Variants in FGF12 observed in about 807,000 individuals in gnomAD.
FGF12 encodes fibroblast growth factor 12, also known as fibroblast growth factor 12B.
FGF12 carries 14 observed loss-of-function variants against 23.6 expected under a neutral mutation model. The ratio of observed to expected loss-of-function variants is 0.59; its 90% CI spans 0.39 to 0.93. FGF12 has a LOEUF of 0.93. Among genes scored for constraint, FGF12 ranks in the 40% least tolerant of loss-of-function variants. The pLI is 0.00. For missense variants in FGF12, 175 were observed against 217.8 expected, an observed-to-expected ratio of 0.80 and a Z score of 1.24; for synonymous variants, 62 against 77.3, an observed-to-expected ratio of 0.80 and a Z score of 1.04.
intron 2 of FGF12, among the ~76,000 whole-genome samples, chr3:192,502,168 C>T (rs1468889560): frequency 1.3e-5 from 2 of 152,194 alleles, no homozygotes; most frequent in African/African-American, 4.8e-5. Flanking sequence ...TCATACAAAT[C>T]TAAGTCCATT....
intron 2 of FGF12, among the ~76,000 whole-genome samples, chr3:192,649,752 G>A (rs1716146987): frequency 1.3e-5 from 2 of 151,436 alleles, no homozygotes; most frequent in Admixed American, 1.3e-4. Context: ...GTGGAGATGG[G>A]GTTTTGCCAT....
At chr3:192,720,836 C>A (rs772214456) in intron 2 of FGF12, among the ~76,000 whole-genome samples, 1 of 152,152 alleles carries the variant, frequency 6.6e-6, no homozygotes, top group Admixed American at 6.5e-5. Flanking sequence ...TACATCATCA[C>A]CTGAGTGTTT....
chr3:192,530,098 A>C (rs1364752867), intron 2 of FGF12, among the ~76,000 whole-genome samples: 2 of 151,122 alleles, frequency 1.3e-5, no homozygotes, highest in South Asian at 4.2e-4. Context: ...CCCTTAACCC[A>C]CTTCTGTTCA....
At chr3:192,646,539 A>C (rs940114589) in intron 2 of FGF12, among the ~76,000 whole-genome samples, 1 of 152,170 alleles carries the variant, frequency 6.6e-6, no homozygotes, top group Non-Finnish European at 1.5e-5. Context: ...AGGTATGCAA[A>C]AGAATGAAAT....
At chr3:192,229,851 C>A (rs1718931202) in intron 4 of FGF12, among the ~76,000 whole-genome samples, 2 of 152,092 alleles carry the variant, frequency 1.3e-5, no homozygotes, top group Non-Finnish European at 2.9e-5. Context: ...GAGGTTCATA[C>A]ACCTGAAAAG....
intron 2 of FGF12, among the ~76,000 whole-genome samples, chr3:192,482,896 G>T (rs1051911625): frequency 2.0e-5 from 3 of 152,158 alleles, no homozygotes; most frequent in Non-Finnish European, 2.9e-5. Flanking sequence ...TAGTTGGAAA[G>T]ATAAAATGTG....
chr3:192,458,595 A>G (rs1392632966), intron 2 of FGF12, among the ~76,000 whole-genome samples: 1 of 152,124 alleles, frequency 6.6e-6, no homozygotes, highest in African/African-American at 2.4e-5. Flanking sequence ...TTTACCCAAT[A>G]ACTGTACCCC....
At chr3:192,329,112 G>C (rs1203353508) in intron 4 of FGF12, among the ~76,000 whole-genome samples, 1 of 152,128 alleles carries the variant, frequency 6.6e-6, no homozygotes, top group Non-Finnish European at 1.5e-5. Flanking sequence ...TAATGCTGTG[G>C]TTGGGCCAAA....
intron 2 of FGF12, among the ~76,000 whole-genome samples, chr3:192,474,890 A>G (rs1381121470): frequency 2.0e-5 from 3 of 150,066 alleles, no homozygotes; most frequent in Non-Finnish European, 4.4e-5. Flanking sequence ...CATCTCAAAA[A>G]AAAAAAAAAA....
intron 4 of FGF12, among the ~76,000 whole-genome samples, chr3:192,254,379 T>G (rs549636641): frequency 6.6e-6 from 1 of 152,042 alleles, no homozygotes; most frequent in East Asian, 1.9e-4. Flanking sequence ...GAAGTGTATT[T>G]CATTGTGCAT....
At position 192,409,037 on chromosome 3, in the gene FGF12, G is replaced by C. The variant is rs1021535808; in HGVS notation, c.14-48499C>G. ...TCCAGCTGCGGTGAGAGCAACTCCCGGCCAGCAGCACTGCAAAGAGAGCGG... is the reference window on the plus strand; with the variant it reads ...TCCAGCTGCGGTGAGAGCAACTCCCCGCCAGCAGCACTGCAAAGAGAGCGG... On this transcript the variant is annotated intron_variant, in intron 2 of 5. Transcript: ENST00000445105. This position sits in a 1 kb window ranked among gnomAD's most constrained non-coding sequence, Gnocchi z 4.8. 4.1e-6 allele frequency: 4 copies of C among 983,324 alleles called. No homozygotes were observed. Among genetic ancestry groups the C allele is most frequent in the South Asian group, 4.7e-5 (1 of 21,154 alleles). 60.9% of individuals were successfully genotyped at this position (983,324 alleles called of 1,614,324 possible).
intron 2 of FGF12, among the ~76,000 whole-genome samples, chr3:192,486,804 A>G (rs920833271): frequency 6.6e-6 from 1 of 152,102 alleles, no homozygotes; most frequent in Non-Finnish European, 1.5e-5. Context: ...GTCATGAATA[A>G]ACACTGAACA....
At chr3:192,264,573 T>A (rs1404530844) in intron 4 of FGF12, among the ~76,000 whole-genome samples, 1 of 152,104 alleles carries the variant, frequency 6.6e-6, no homozygotes, top group African/African-American at 2.4e-5. Context: ...AGTCCTCTAT[T>A]CAACCTAAGG....
At chr3:192,676,287 G>A (rs1473391352) in intron 2 of FGF12, among the ~76,000 whole-genome samples, 3 of 152,222 alleles carry the variant, frequency 2.0e-5, no homozygotes, top group East Asian at 3.8e-4. Context: ...AGACAGAACA[G>A]GAGAACTTCA....
chr3:192,656,023 C>T (rs1187565174), intron 2 of FGF12, among the ~76,000 whole-genome samples: 1 of 140,276 alleles, frequency 7.1e-6, no homozygotes, highest in East Asian at 2.1e-4. Flanking sequence ...GAAATTCCCT[C>T]ATCCAGGAGG....
intron 4 of FGF12, among the ~76,000 whole-genome samples, chr3:192,240,124 T>C (rs748427528): frequency 1.3e-5 from 2 of 152,168 alleles, no homozygotes; most frequent in Non-Finnish European, 2.9e-5. Context: ...TGGTAATCCA[T>C]TAGTATGCTG....
rs184663766 is a variant in FGF12, at chr3:192,148,316, G to T, written c.428-4189C>A. The stretch of plus-strand genomic sequence containing the variant: ...TTCTGACACATACTACAACATGAAT[G>T]AACCTTGAAGAAATTCTGCTAGGTG... On this transcript the variant is annotated intron_variant, in intron 5 of 5. Coordinates refer to ENST00000445105, the MANE Select transcript of FGF12 (RefSeq NM_004113.6). 1.1e-4 allele frequency among the ~76,000 whole-genome samples: 16 copies of T among 152,286 alleles called. No individual in the cohort carries two copies. In the East Asian group the frequency reaches 3.1e-3, roughly 29 times the overall value.
chr3:192,646,881 T>C (rs1716026022), intron 2 of FGF12, among the ~76,000 whole-genome samples: 1 of 151,940 alleles, frequency 6.6e-6, no homozygotes, highest in Admixed American at 6.6e-5. Flanking sequence ...TATACATCAA[T>C]AAAGTTTTTT....
chr3:192,690,225 C>T (rs1717898899), intron 2 of FGF12, among the ~76,000 whole-genome samples: 1 of 151,916 alleles, frequency 6.6e-6, no homozygotes, highest in African/African-American at 2.4e-5. Context: ...ATAAAACTCA[C>T]TGAAAATGTA....
Sources: gnomAD v4.1 joint callset for allele counts (sites outside exome capture counted in the v4.1 genomes callset) on GRCh38, gnomAD v4.1.1 for gene constraint, Gnocchi (gnomAD v3.1) non-coding constraint, MANE v1.5 for transcripts, NCBI Gene and HGNC (gene_info 2026-07-23, HGNC 2026-07-21) for gene names.